The following TANC2 variants were observed in gnomAD, a reference collection of about 807,000 sequenced individuals.
TANC2 encodes tetratricopeptide repeat, ankyrin repeat and coiled-coil containing 2.
TANC2 carries 26 observed loss-of-function variants against 210.5 expected under a neutral mutation model. That is an observed-to-expected ratio of 0.12 (90% CI 0.09 to 0.17). TANC2 has a LOEUF of 0.17. Among genes scored for constraint, TANC2 ranks in the 10% least tolerant of loss-of-function variants. The probability of loss-of-function intolerance (pLI) is 1.00; values close to 1 mark genes in which losing one functional copy is unlikely to be tolerated. For synonymous variants in TANC2, 931 were observed against 967.1 expected (o/e 0.96, Z 0.69); for missense variants, 2,129 against 2,608.9 (o/e 0.82, Z 4.01).
In TANC2 at chr17:63,103,874, T is replaced by G. The variant is rs1386449742; in HGVS notation, c.322+4517T>G. ...AGCTTGTGTTTTTGTCACTGGTGTC[T>G]CCACTTTACAGATGAGCAAATTAAG... On this transcript the variant is annotated intron_variant, in intron 4 of 27. Transcript: ENST00000689528. Among the ~76,000 whole-genome samples the G allele has an allele frequency of 2.6e-5, 4 of 152,156 alleles. No homozygotes were observed. The East Asian group carries it at 7.7e-4, about 29-fold the overall frequency.
intron 8 of TANC2, among the ~76,000 whole-genome samples, chr17:63,250,753 C>T (rs983505428): frequency 2.0e-5 from 3 of 152,096 alleles, no homozygotes; most frequent in Non-Finnish European, 4.4e-5. Flanking sequence ...CAAAGATTCC[C>T]ATTCTCATGT....
At chr17:62,969,426 A>G (rs1470476446) in intron 1 of TANC2, among the ~76,000 whole-genome samples, 1 of 152,262 alleles carries the variant, frequency 6.6e-6, no homozygotes, top group Non-Finnish European at 1.5e-5. Context: ...AGGCATAATT[A>G]AAATGCATGT....
At chr17:63,060,667 C>T (rs754399961) in intron 2 of TANC2, among the ~76,000 whole-genome samples, 55 of 152,168 alleles carry the variant, frequency 3.6e-4, no homozygotes, top group Admixed American at 1.5e-3. Flanking sequence ...GAAACAACTG[C>T]ATATTTAATC....
chr17:63,427,363 C>T (rs1421250676), exon 28 of TANC2: 1 of 152,236 alleles, frequency 6.6e-6, no homozygotes, highest in Admixed American at 6.5e-5. Flanking sequence ...TTTAGGTTTT[C>T]TATGACTCAG....
chr17:63,227,832 A>G (rs1249603592), intron 7 of TANC2, among the ~76,000 whole-genome samples: 3 of 152,010 alleles, frequency 2.0e-5, no homozygotes, highest in South Asian at 2.1e-4. Flanking sequence ...TGGCTAGCCA[A>G]TTCTCCCAGC....
chr17:63,402,430 T>C (rs1046023630), intron 19 of TANC2, among the ~76,000 whole-genome samples: 3 of 152,336 alleles, frequency 2.0e-5, no homozygotes, highest in Admixed American at 2.0e-4. Flanking sequence ...ATAAGTGTTT[T>C]ATTAATGTCA....
chr17:63,340,446 G>A, intron 12 of TANC2, 114 bp downstream of exon 12: 1 of 854,974 alleles, frequency 1.2e-6, no homozygotes, highest in Non-Finnish European at 1.7e-6. Flanking sequence ...ATGTTCCATA[G>A]CTGGATATCC....
chr17:63,065,369 C>A (rs79013509), intron 2 of TANC2, among the ~76,000 whole-genome samples: 1 of 152,092 alleles, frequency 6.6e-6, no homozygotes, highest in African/African-American at 2.4e-5. Flanking sequence ...AATGAATATG[C>A]GAGAGAGTGC....
At chr17:63,127,339 C>T (rs958720498) in intron 4 of TANC2, among the ~76,000 whole-genome samples, 1 of 152,172 alleles carries the variant, frequency 6.6e-6, no homozygotes, top group Non-Finnish European at 1.5e-5. Context: ...TCTTCTACTT[C>T]TAACTTAATT....
chr17:63,315,715 A>T (rs1343579241), intron 10 of TANC2, among the ~76,000 whole-genome samples: 2 of 152,230 alleles, frequency 1.3e-5, no homozygotes, highest in African/African-American at 2.4e-5. Context: ...ACAGTGCTGG[A>T]AACTTAACAG....
intron 2 of TANC2, among the ~76,000 whole-genome samples, chr17:63,018,480 C>CAA (rs1294287768): frequency 1.1e-5 from 1 of 89,186 alleles, no homozygotes; most frequent in Non-Finnish European, 2.4e-5. Context: ...GACTCTGTCT[C>CAA]AAAAAAAAAA....
At chr17:62,993,258 A>G (rs1362610751) in intron 1 of TANC2, among the ~76,000 whole-genome samples, 2 of 152,152 alleles carry the variant, frequency 1.3e-5, no homozygotes, top group Non-Finnish European at 2.9e-5. Context: ...GGGAACCTCT[A>G]TTGACTTGGT....
At chr17:63,301,395 A>G (rs1354229785) in intron 9 of TANC2, among the ~76,000 whole-genome samples, 1 of 152,126 alleles carries the variant, frequency 6.6e-6, no homozygotes, top group Non-Finnish European at 1.5e-5. Context: ...TCGGCTGTGA[A>G]TCCATCTGGT....
intron 4 of TANC2, among the ~76,000 whole-genome samples, chr17:63,119,692 A>G (rs1316836698): frequency 6.6e-6 from 1 of 152,144 alleles, no homozygotes; most frequent in Non-Finnish European, 1.5e-5. Context: ...TTATATATCC[A>G]TTATCTCTGA....
At chr17:63,259,595 C>T (rs1234956458) in intron 8 of TANC2, among the ~76,000 whole-genome samples, 1 of 152,144 alleles carries the variant, frequency 6.6e-6, no homozygotes, top group African/African-American at 2.4e-5. Flanking sequence ...ATCATTTTTA[C>T]TCACTATTAA....
chr17:63,355,252 T>A, exon 14 of TANC2: 1 of 1,613,628 alleles, frequency 6.2e-7, no homozygotes, highest in Non-Finnish European at 8.5e-7. Context: ...TGGGAGGATT[T>A]TCAGCAGAGA....
At chr17:63,306,140 A>G (rs1257920926) in intron 9 of TANC2, among the ~76,000 whole-genome samples, 1 of 152,246 alleles carries the variant, frequency 6.6e-6, no homozygotes, top group Non-Finnish European at 1.5e-5. Context: ...CCAGGCAGGA[A>G]GCAAGGAGAG....
intron 9 of TANC2, among the ~76,000 whole-genome samples, chr17:63,273,376 T>C (rs758153702): frequency 5.9e-5 from 9 of 152,170 alleles, no homozygotes; most frequent in Non-Finnish European, 1.2e-4. Context: ...ATGTTAAATA[T>C]ACTTTGTTTA....
intron 4 of TANC2, among the ~76,000 whole-genome samples, chr17:63,125,423 G>C (rs979612377): frequency 6.6e-6 from 1 of 152,096 alleles, no homozygotes; most frequent in Admixed American, 6.5e-5. Context: ...TTGTTGAGAA[G>C]GGAAGCCGTT....
Sources: allele counts gnomAD v4.1 joint callset (sites outside exome capture counted in the v4.1 genomes callset), GRCh38; gene constraint gnomAD v4.1.1; transcripts MANE v1.5; gene names NCBI Gene and HGNC (gene_info 2026-07-23, HGNC 2026-07-21).